DIS3L: variants seen among roughly 807,000 people sequenced by gnomAD.
DIS3L encodes DIS3 like exosome 3'-5' exoribonuclease.
In DIS3L, 100 loss-of-function variants were observed where a neutral mutation model predicts 120.3. That is an observed-to-expected ratio of 0.83 (90% confidence interval 0.71 to 0.98). DIS3L has a LOEUF of 0.98. Among genes scored for constraint, DIS3L ranks in the 50% least tolerant of loss-of-function variants. The probability of loss-of-function intolerance (pLI) is 0.00; values close to 1 mark genes in which losing one functional copy is unlikely to be tolerated. For missense variants in DIS3L, 1,196 were observed against 1,314.2 expected, an observed-to-expected ratio of 0.91 and a Z score of 1.39; for synonymous variants, 426 against 470.6, an observed-to-expected ratio of 0.91 and a Z score of 1.23.
chr15:66,294,200 C>A, intron 1 of DIS3L: 1 of 985,612 alleles, frequency 1.0e-6, no homozygotes, highest in African/African-American at 1.7e-5. Flanking sequence ...CGCACTGTTG[C>A]CCCAGACTTT....
At chr15:66,317,522 G>T (rs185076698) in intron 7 of DIS3L, among the ~76,000 whole-genome samples, 1 of 152,062 alleles carries the variant, frequency 6.6e-6, no homozygotes, top group African/African-American at 2.4e-5. Flanking sequence ...CTGAAAACGC[G>T]CAGTTGAGGG....
chr15:66,294,183 A>G (rs2092558554), intron 1 of DIS3L: 4 of 985,478 alleles, frequency 4.1e-6, no homozygotes, highest in South Asian at 9.4e-5. Context: ...AGGTTTCCTG[A>G]CCTGCCCGCA....
Position 66,323,561 on chromosome 15 carries a change from G to A in DIS3L, c.1643G>A (p.Cys548Tyr). The A allele has an allele frequency of 6.2e-7, 1 of 1,614,254 alleles. No homozygotes were observed. Among genetic ancestry groups the A allele is most frequent in the Non-Finnish European group, 8.5e-7 (1 of 1,180,042 alleles). Residue 548 changes from cysteine to tyrosine, a missense_variant, in exon 11 of 17, where the codon TGT (cysteine) becomes TAT (tyrosine). Coordinates refer to ENST00000319212, the MANE Select transcript of DIS3L (RefSeq NM_001143688.3). The part of the protein sequence containing the change: ...MLPSVLSADL[C>Y]SLLGGVDRYA... Reference sequence around the variant, plus strand: ...CCTTCCGTCCTCAGTGCAGATTTGTGTTCCCTTCTGGGAGGCGTTGATAGG... The same window carrying A: ...CCTTCCGTCCTCAGTGCAGATTTGTATTCCCTTCTGGGAGGCGTTGATAGG...
At chr15:66,317,825 G>A (rs1457677113) in intron 7 of DIS3L, among the ~76,000 whole-genome samples, 2 of 148,008 alleles carry the variant, frequency 1.4e-5, no homozygotes, top group Non-Finnish European at 1.5e-5. Context: ...GGGCAGCATA[G>A]TGAGATCCTG....
Position 66,329,104 on chromosome 15 carries a change from A to G in DIS3L, c.2336A>G (p.Glu779Gly). 1 of 1,612,850 alleles carries G rather than the reference A, an allele frequency of 6.2e-7. No homozygotes were observed. Among genetic ancestry groups the G allele is most frequent in the Non-Finnish European group, 8.5e-7 (1 of 1,179,646 alleles). The change falls in exon 13 of 17, where the codon GAG becomes GGG. Residue 779 changes from glutamate to glycine, a missense_variant. Physicochemically the swap from Glu to Gly is moderately conservative, Grantham distance 98. Coordinates refer to ENST00000319212, the MANE Select transcript of DIS3L (RefSeq NM_001143688.3). ...TACTTCTCCACCGGATCCTGTGCGG[A>G]GGAGGAGTTCCATCATTACGGTGAA... ...ALYFSTGSCA[E>G]EEFHHYGLAL...
At chr15:66,305,024 G>A (rs1427421002) in intron 2 of DIS3L, among the ~76,000 whole-genome samples, 3 of 115,836 alleles carry the variant, frequency 2.6e-5, no homozygotes, top group Non-Finnish European at 1.7e-5. Flanking sequence ...TTTTTGAGCC[G>A]GAGGTCTTGC....
chr15:66,318,430 T>G lies in DIS3L; in HGVS notation c.995-19T>G. 1 of 1,611,416 alleles carries G rather than the reference T, an allele frequency of 6.2e-7. No homozygotes were observed. The highest frequency in any genetic ancestry group is 8.5e-7 in the Non-Finnish European group (1 of 1,178,482). ...GCACCTAACCAGTTAATGCCTTGTTTTGTTTTGTTTTGCCAAAGGTCGAGT... is the reference window on the plus strand; with the variant it reads ...GCACCTAACCAGTTAATGCCTTGTTGTGTTTTGTTTTGCCAAAGGTCGAGT... On this transcript the variant is annotated intron_variant, in intron 7 of 16. Transcript: ENST00000319212.
intron 2 of DIS3L, among the ~76,000 whole-genome samples, chr15:66,300,767 G>A (rs2092639345): frequency 6.6e-6 from 1 of 152,122 alleles, no homozygotes; most frequent in Non-Finnish European, 1.5e-5. Context: ...CTGGGGGCAG[G>A]GGAGTCAAGG....
chr15:66,297,813 TC>T (rs2092604285), intron 2 of DIS3L, among the ~76,000 whole-genome samples: 1 of 152,158 alleles, frequency 6.6e-6, no homozygotes, highest in Non-Finnish European at 1.5e-5. Context: ...TCCTTTTGAC[TC>T]CCTCCTGAAT....
At position 66,333,223 on chromosome 15, in the gene DIS3L, C is replaced by G; in HGVS notation, c.3076C>G (p.Arg1026Gly). Residue 1026 changes from arginine (R) to glycine (G), a missense_variant, in exon 17 of 17, where the codon CGC (arginine) becomes GGC (glycine). Arg to Gly is a moderately radical substitution (Grantham distance 125). Coordinates refer to ENST00000319212, the MANE Select transcript of DIS3L (RefSeq NM_001143688.3). ...CATTCAGGAGGAATATCAAGAATAT[C>G]GCCAAACAAAGGGAAGGAGCCTATA... ...NIIQEEYQEY[R>G]QTKGRSLYTL... The G allele has an allele frequency of 2.5e-6, 4 of 1,614,062 alleles. No homozygotes were observed. The highest frequency in any genetic ancestry group is 3.4e-6 in the Non-Finnish European group (4 of 1,180,024).
intron 2 of DIS3L, among the ~76,000 whole-genome samples, chr15:66,295,751 C>T (rs1414957346): frequency 1.3e-5 from 2 of 152,162 alleles, no homozygotes; most frequent in East Asian, 1.9e-4. Flanking sequence ...TAAACAAATA[C>T]TTTGAAAAAC....
At chr15:66,318,314 T>G (rs1018805205) in intron 7 of DIS3L, 135 bp from the exon 8 acceptor site, 2 of 976,266 alleles carry the variant, frequency 2.0e-6, no homozygotes, top group African/African-American at 3.3e-5. Flanking sequence ...AAAACATTCT[T>G]GAGTTGGGTG....
chr15:66,329,317 A>G lies in DIS3L; in HGVS notation c.2453A>G (p.Asp818Gly). The G allele has an allele frequency of 1.9e-6, 3 of 1,614,140 alleles. No individual in the cohort carries two copies. Among genetic ancestry groups the G allele is most frequent in the Non-Finnish European group, 2.5e-6 (3 of 1,180,006 alleles). Residue 818 changes from aspartate (D) to glycine (G), a missense_variant, in exon 14 of 17, where the codon GAT becomes GGT. Asp to Gly is a moderately conservative substitution (Grantham distance 94, BLOSUM62 -1). Transcript: ENST00000319212. ...HRLLMAAISK[D>G]KKMEIKGNLF... is the part of the protein sequence containing the mutation. ...TTGTTAATGGCAGCCATTTCAAAAG[A>G]TAAGAAAATGGAAATTAAGGGAAAT... is the stretch of plus-strand genomic sequence containing the variant.
chr15:66,329,981 G>T (rs2092982984), intron 14 of DIS3L: 2 of 984,806 alleles, frequency 2.0e-6, no homozygotes, highest in Non-Finnish European at 2.4e-6. Context: ...AACAATTAAT[G>T]ATTCTAGACA....
chr15:66,311,472 T>G (rs2092760615), intron 4 of DIS3L, among the ~76,000 whole-genome samples: 1 of 152,112 alleles, frequency 6.6e-6, no homozygotes, highest in Non-Finnish European at 1.5e-5. Flanking sequence ...GAAAGAGACT[T>G]GAAAGCACAA....
At chr15:66,303,531 C>T (rs901817547) in intron 2 of DIS3L, among the ~76,000 whole-genome samples, 1 of 152,110 alleles carries the variant, frequency 6.6e-6, no homozygotes, top group Non-Finnish European at 1.5e-5. Context: ...CAAGAGAGAT[C>T]ATTTGTAAAC....
At chr15:66,307,059 T>A in intron 3 of DIS3L, 107 bp downstream of exon 3, 1 of 1,421,244 alleles carries the variant, frequency 7.0e-7, no homozygotes, top group Non-Finnish European at 9.6e-7. Context: ...AAACCAACAA[T>A]TATTCTGGAA....
chr15:66,333,468 C>A lies in DIS3L; in HGVS notation c.*156C>A. ...GTTCTCAGCCGGGCACGGTGGCTCA[C>A]GCCTGTAACCCCAGCACTTTGGGAG... On this transcript the variant is annotated 3_prime_UTR_variant, in exon 17 of 17. Coordinates refer to ENST00000319212, the MANE Select transcript of DIS3L (RefSeq NM_001143688.3). 1.3e-6 allele frequency: 1 copy of A among 746,256 alleles called. No homozygotes were observed. Among genetic ancestry groups the A allele is most frequent in the Non-Finnish European group, 2.0e-6 (1 of 490,088 alleles). 46.2% of individuals were successfully genotyped at this position (746,256 alleles called of 1,614,324 possible).
At chr15:66,293,446 C>T, upstream of DIS3L, 1 of 1,199,962 alleles carries the variant, frequency 8.3e-7, no homozygotes, top group Non-Finnish European at 1.0e-6. Flanking sequence ...GGCCGGGCCC[C>T]AGCCTGGAGC....
Sources: allele counts gnomAD v4.1 joint callset (sites outside exome capture counted in the v4.1 genomes callset), GRCh38; gene constraint gnomAD v4.1.1; transcripts MANE v1.5; gene names NCBI Gene and HGNC (gene_info 2026-07-23, HGNC 2026-07-21).